The following OR2L13 variants were observed in gnomAD, a reference collection of about 807,000 sequenced individuals.
The protein encoded by OR2L13 is olfactory receptor family 2 subfamily L member 13.
In OR2L13, 14 loss-of-function variants were observed where a neutral mutation model predicts 15.3. The ratio of observed to expected loss-of-function variants is 0.91; its 90% CI spans 0.60 to 1.43. The LOEUF is 1.43. Ranked by LOEUF, OR2L13 falls within the 40% of genes most tolerant of loss-of-function variation. OR2L13 has a pLI of 0.00. For missense variants in OR2L13, 367 were observed against 387.9 expected, an observed-to-expected ratio of 0.95 and a Z score of 0.45; for synonymous variants, 152 against 142.9, an observed-to-expected ratio of 1.06 and a Z score of -0.45.
At chr1:247,945,014 C>A in the OR2L13 span, among the ~76,000 whole-genome samples, 2 of 151,260 alleles carry the variant, frequency 1.3e-5, no homozygotes, top group Non-Finnish European at 2.9e-5. Flanking sequence ...CCTTCAGTTT[C>A]TCTCTGATCT....
At chr1:248,000,123 G>GGTGTGTGTGTGTGTGTGTGTGTGTGTGT in the OR2L13 span, among the ~76,000 whole-genome samples, 324 of 138,272 alleles carry the variant, frequency 2.3e-3, 4 homozygotes, top group African/African-American at 8.2e-3. Flanking sequence ...TTTTTTTTTT[G>GGTGTGTGTGTGTGTGTGTGTGTGTGTGT]GTGTGTGTGT....
chr1:248,013,943 G>C, the OR2L13 span, among the ~76,000 whole-genome samples: 1 of 152,080 alleles, frequency 6.6e-6, no homozygotes, highest in African/African-American at 2.4e-5. Flanking sequence ...TCATAAATGT[G>C]TTTCCCGGAT....
At chr1:248,072,521 A>G in the OR2L13 span, among the ~76,000 whole-genome samples, 2 of 152,074 alleles carry the variant, frequency 1.3e-5, no homozygotes, top group Non-Finnish European at 2.9e-5. Context: ...AACCATAAAA[A>G]CCCTAGAAGA....
At chr1:247,993,850 AAG>A in the OR2L13 span, among the ~76,000 whole-genome samples, 10 of 147,658 alleles carry the variant, frequency 6.8e-5, no homozygotes, top group Non-Finnish European at 1.5e-4. Context: ...CTTGTCATGA[AAG>A]AGTTTGTAAA....
the OR2L13 span, among the ~76,000 whole-genome samples, chr1:247,997,526 A>G: frequency 1.3e-4 from 20 of 152,262 alleles, no homozygotes; most frequent in African/African-American, 4.3e-4. Flanking sequence ...ACCTCATTCT[A>G]TTTTAGTGGT....
chr1:247,944,687 A>G, the OR2L13 span, among the ~76,000 whole-genome samples: 1 of 151,986 alleles, frequency 6.6e-6, no homozygotes, highest in African/African-American at 2.4e-5. Context: ...ACGTACCACA[A>G]TTTCTTTATC....
At chr1:248,051,020 C>T in the OR2L13 span, among the ~76,000 whole-genome samples, 1 of 152,122 alleles carries the variant, frequency 6.6e-6, no homozygotes. Context: ...TTAAGAGGAA[C>T]ACCATTTTAA....
chr1:248,013,774 A>G, the OR2L13 span: 6 of 152,122 alleles, frequency 3.9e-5, no homozygotes, highest in Non-Finnish European at 7.4e-5. Flanking sequence ...ATTTTTATTG[A>G]TCATAGGGAA....
the OR2L13 span, among the ~76,000 whole-genome samples, chr1:248,067,855 G>T: frequency 0.034 from 5,097 of 152,062 alleles, 290 homozygotes; most frequent in African/African-American, 0.12. Flanking sequence ...CCCACACCTG[G>T]CTCGGAGGGT....
chr1:248,023,017 T>C, the OR2L13 span: 1 of 860,854 alleles, frequency 1.2e-6, no homozygotes, highest in Non-Finnish European at 1.7e-6. Context: ...TCTTTTAATT[T>C]AGTCTTGACA....
At chr1:247,970,304 A>G in the OR2L13 span, among the ~76,000 whole-genome samples, 2 of 152,162 alleles carry the variant, frequency 1.3e-5, no homozygotes, top group Non-Finnish European at 2.9e-5. Flanking sequence ...TAACCTGTAC[A>G]TTGTGCACAT....
chr1:247,976,108 A>T, the OR2L13 span, among the ~76,000 whole-genome samples: 1 of 152,190 alleles, frequency 6.6e-6, no homozygotes, highest in Non-Finnish European at 1.5e-5. Context: ...ATTTATTAAT[A>T]AATTTACCTC....
chr1:247,981,600 G>A, the OR2L13 span, among the ~76,000 whole-genome samples: 1 of 152,192 alleles, frequency 6.6e-6, no homozygotes, highest in Non-Finnish European at 1.5e-5. Context: ...CAGAGTTTTT[G>A]TGAGAAGCAA....
the OR2L13 span, chr1:247,965,788 A>C: frequency 6.2e-7 from 1 of 1,602,234 alleles, no homozygotes; most frequent in East Asian, 2.2e-5. Context: ...GCTTATGAGC[A>C]AGAAGATCTG....
the OR2L13 span, chr1:247,997,217 C>T: frequency 2.0e-5 from 3 of 152,098 alleles, no homozygotes; most frequent in Admixed American, 6.5e-5. Flanking sequence ...TGAACTAATA[C>T]CTTTTTTCCC....
At chr1:248,064,487 C>T in the OR2L13 span, among the ~76,000 whole-genome samples, 5,803 of 152,250 alleles carry the variant, frequency 0.038, 375 homozygotes, top group African/African-American at 0.13. Context: ...CAGTTTAAGA[C>T]ATTTTTGTCA....
At chr1:248,071,576 AT>A in the OR2L13 span, among the ~76,000 whole-genome samples, 11 of 152,166 alleles carry the variant, frequency 7.2e-5, no homozygotes, top group African/African-American at 2.7e-4. Context: ...CAAGACAGGG[AT>A]TCCCTCTCTC....
chr1:247,993,760 G>GAGA, the OR2L13 span, among the ~76,000 whole-genome samples: 1 of 53,710 alleles, frequency 1.9e-5, no homozygotes, highest in Non-Finnish European at 3.8e-5. Context: ...ACAGAGAGAG[G>GAGA]GGGAGAGAGA....
the OR2L13 span, chr1:247,966,281 G>C: frequency 1.2e-5 from 20 of 1,613,812 alleles, no homozygotes; most frequent in Non-Finnish European, 1.7e-5. Context: ...GGGGCAGTGA[G>C]GAGACTGTTG....
Sources: allele counts gnomAD v4.1 joint callset (sites outside exome capture counted in the v4.1 genomes callset), GRCh38; gene constraint gnomAD v4.1.1; transcripts MANE v1.5; gene names NCBI Gene and HGNC (gene_info 2026-07-23, HGNC 2026-07-21).